The following FBXW4 variants were observed in gnomAD, a reference collection of about 807,000 sequenced individuals.
The protein encoded by FBXW4 is F-box and WD repeat domain containing 4.
FBXW4 carries 40 observed loss-of-function variants against 61.8 expected under a neutral mutation model. The ratio of observed to expected loss-of-function variants is 0.65; its 90% CI spans 0.50 to 0.84. The LOEUF (loss-of-function observed/expected upper bound fraction) is 0.84. FBXW4 is among the 40% of genes least tolerant of loss of function. FBXW4 has a pLI of 0.00. For synonymous variants in FBXW4, 311 were observed against 313.8 expected (o/e 0.99, Z 0.10); for missense variants, 672 against 753.8 (o/e 0.89, Z 1.27).
chr10:101,616,989 A>C (rs1004128463), intron 6 of FBXW4, among the ~76,000 whole-genome samples: 2 of 152,222 alleles, frequency 1.3e-5, no homozygotes, highest in African/African-American at 4.8e-5. Context: ...TGACGGGAAC[A>C]GAGGGAAGTA....
At chr10:101,620,716 G>T (rs890494535) in intron 6 of FBXW4, among the ~76,000 whole-genome samples, 1 of 152,130 alleles carries the variant, frequency 6.6e-6, no homozygotes, top group African/African-American at 2.4e-5. Context: ...GAGCTCAAGC[G>T]ATCCTACTGC....
At chr10:101,661,104 G>A (rs1428055840) in intron 5 of FBXW4, among the ~76,000 whole-genome samples, 1 of 152,210 alleles carries the variant, frequency 6.6e-6, no homozygotes, top group Non-Finnish European at 1.5e-5. Context: ...TTAGCAGGGG[G>A]CCAAGTCTGG....
intron 1 of FBXW4, among the ~76,000 whole-genome samples, chr10:101,680,786 G>T (rs1485384687): frequency 6.6e-6 from 1 of 152,196 alleles, no homozygotes; most frequent in African/African-American, 2.4e-5. Flanking sequence ...TTAAATGACA[G>T]CTTATGATCT....
chr10:101,611,715 C>T lies in FBXW4; in HGVS notation c.1497G>A (p.Gln499=). The change falls in exon 8 of 9, where the codon CAG becomes CAA. Residue 499 remains glutamine, a synonymous_variant. Transcript: ENST00000331272. This position sits in a 1 kb window ranked among gnomAD's most constrained non-coding sequence, Gnocchi z 4.9. The part of the protein sequence containing the change: ...EPHDSTLYCL[Q]TDGNHLLATG... ...TGGCCAGCAGGTGGTTGCCATCTGTCTGCAGGCAGTACAGGGTGCTGTCGT... is the reference window on the plus strand; with the variant it reads ...TGGCCAGCAGGTGGTTGCCATCTGTTTGCAGGCAGTACAGGGTGCTGTCGT... 1 of 1,614,198 alleles carries T rather than the reference C, an allele frequency of 6.2e-7. No homozygotes were observed. Among genetic ancestry groups the T allele is most frequent in the Non-Finnish European group, 8.5e-7 (1 of 1,180,024 alleles).
intron 2 of FBXW4, among the ~76,000 whole-genome samples, chr10:101,675,243 C>T (rs1158715647): frequency 6.6e-6 from 1 of 152,124 alleles, no homozygotes; most frequent in African/African-American, 2.4e-5. Flanking sequence ...TTCAATATCC[C>T]CTTGCGTGAG....
rs1286074952 is a variant in FBXW4 at position 101,627,954 on chromosome 10, T to C, written c.1236-3144A>G. On this transcript the variant is annotated intron_variant, in intron 5 of 8. Coordinates refer to ENST00000331272, the MANE Select transcript of FBXW4 (RefSeq NM_022039.4). Reference sequence around the variant, plus strand: ...CCTCAGTTCTCTAACCCAGGTGATTTAACCCAAACAAAATGCTGTGCTCTG... The same window carrying C: ...CCTCAGTTCTCTAACCCAGGTGATTCAACCCAAACAAAATGCTGTGCTCTG... 5.1e-6 allele frequency: 5 copies of C among 985,424 alleles called. No individual in the cohort carries two copies. In the East Asian group the frequency reaches 4.5e-4, roughly 89 times the overall value. The allele number at this position is 985,424 out of a possible 1,614,324, so 61.0% of individuals were successfully genotyped here. A position where few individuals can be genotyped will look rare whatever the true frequency, so the allele number is the denominator to read the frequency against.
In FBXW4 at chr10:101,633,840, G is replaced by A. The variant is rs372240528; in HGVS notation, c.1236-9030C>T. ...TAATTAAAAATCCAGGCTGGGCGTG[G>A]TGGCTTACACCTGTAATCCCAGCAC... is the stretch of plus-strand genomic sequence containing the variant. On this transcript the variant is annotated intron_variant, in intron 5 of 8. Transcript: ENST00000331272. Among the ~76,000 whole-genome samples, 26 of 152,292 alleles carry A rather than the reference G, an allele frequency of 1.7e-4. No individual in the cohort carries two copies. In the East Asian group the frequency reaches 4.6e-3, roughly 27 times the overall value.
intron 5 of FBXW4, among the ~76,000 whole-genome samples, chr10:101,648,746 AT>A (rs1477250439): frequency 2.0e-5 from 3 of 152,168 alleles, no homozygotes; most frequent in African/African-American, 7.2e-5. Flanking sequence ...GCATTCCACC[AT>A]TTTACCCTTT....
chr10:101,612,565 A>G, intron 6 of FBXW4, 88 bp from the exon 7 acceptor site: 1 of 1,341,384 alleles, frequency 7.5e-7, no homozygotes. Flanking sequence ...CCTTGGGGAA[A>G]TGTTCTCTTT....
At chr10:101,638,250 C>T (rs187905715) in intron 5 of FBXW4, among the ~76,000 whole-genome samples, 13 of 152,194 alleles carry the variant, frequency 8.5e-5, no homozygotes, top group African/African-American at 2.6e-4. Context: ...GTTTGTAAGG[C>T]GTGGAACTAG....
chr10:101,693,395 G>C (rs1428997093), intron 1 of FBXW4, among the ~76,000 whole-genome samples: 1 of 152,170 alleles, frequency 6.6e-6, no homozygotes, highest in Non-Finnish European at 1.5e-5. Context: ...CTACATGTAA[G>C]TTTAATAGTA....
chr10:101,649,053 T>C (rs1368465259), intron 5 of FBXW4, among the ~76,000 whole-genome samples: 1 of 152,168 alleles, frequency 6.6e-6, no homozygotes, highest in Non-Finnish European at 1.5e-5. Flanking sequence ...TAAATACAAT[T>C]ATATTTTTAA....
At chr10:101,679,714 T>C (rs1348507585) in intron 1 of FBXW4, among the ~76,000 whole-genome samples, 2 of 152,244 alleles carry the variant, frequency 1.3e-5, no homozygotes, top group African/African-American at 4.8e-5. Context: ...ACATATTTTC[T>C]AATTTTTCTT....
At chr10:101,632,014 C>A (rs2063962914) in intron 5 of FBXW4, among the ~76,000 whole-genome samples, 1 of 152,170 alleles carries the variant, frequency 6.6e-6, no homozygotes, top group Admixed American at 6.5e-5. Context: ...AGGTGAGCGA[C>A]CTGGTACAGC....
At chr10:101,651,987 A>AC (rs1457283389) in intron 5 of FBXW4, among the ~76,000 whole-genome samples, 1 of 151,994 alleles carries the variant, frequency 6.6e-6, no homozygotes, top group Non-Finnish European at 1.5e-5. Flanking sequence ...TCAAAGATTC[A>AC]CCGGCCCTTT....
At chr10:101,654,119 T>TTAAA (rs371910507) in intron 5 of FBXW4, among the ~76,000 whole-genome samples, 2 of 118,306 alleles carry the variant, frequency 1.7e-5, no homozygotes, top group Non-Finnish European at 3.3e-5. Context: ...GACTCCGTCT[T>TTAAA]AAAAAAAAAA....
intron 5 of FBXW4, among the ~76,000 whole-genome samples, chr10:101,661,371 C>T (rs2064242988): frequency 6.6e-6 from 1 of 152,158 alleles, no homozygotes; most frequent in South Asian, 2.1e-4. Context: ...GGAATTGAAA[C>T]CCACCCCTGT....
chr10:101,641,122 C>T (rs542910224), intron 5 of FBXW4, among the ~76,000 whole-genome samples: 6 of 152,246 alleles, frequency 3.9e-5, no homozygotes, highest in South Asian at 2.1e-4. Context: ...TGAGCCACCG[C>T]GCCCAGCCAA....
intron 6 of FBXW4, among the ~76,000 whole-genome samples, chr10:101,620,502 T>C (rs2063859348): frequency 6.6e-6 from 1 of 152,212 alleles, no homozygotes; most frequent in African/African-American, 2.4e-5. Context: ...AACCTGGGGC[T>C]GGAGAGAAGG....
Sources: allele counts gnomAD v4.1 joint callset (sites outside exome capture counted in the v4.1 genomes callset), GRCh38; gene constraint gnomAD v4.1.1; non-coding constraint Gnocchi (gnomAD v3.1); transcripts MANE v1.5; gene names NCBI Gene and HGNC (gene_info 2026-07-23, HGNC 2026-07-21).